VDAC1: variants seen among roughly 807,000 people sequenced by gnomAD.
VDAC1 encodes the protein non-selective voltage-gated ion channel VDAC1.
In VDAC1, 10 loss-of-function variants were observed where a neutral mutation model predicts 34.7. That is an observed-to-expected ratio of 0.29 (90% CI 0.18 to 0.49). The LOEUF (loss-of-function observed/expected upper bound fraction) is 0.49, where lower values mean the gene tolerates loss of function less well. Among genes scored for constraint, VDAC1 ranks in the 20% least tolerant of loss-of-function variants. VDAC1 has a pLI of 0.99. For synonymous variants in VDAC1, 130 were observed against 136.0 expected (o/e 0.96, Z 0.30); for missense variants, 230 against 347.9 (o/e 0.66, Z 2.69).
the VDAC1 span, among the ~76,000 whole-genome samples, chr5:134,075,849 T>C: frequency 6.6e-6 from 1 of 152,088 alleles, no homozygotes; most frequent in Non-Finnish European, 1.5e-5. Flanking sequence ...CCTCCCAAAG[T>C]GCTGGGATTA....
the VDAC1 span, among the ~76,000 whole-genome samples, chr5:134,076,951 C>T: frequency 1.3e-5 from 2 of 152,118 alleles, no homozygotes; most frequent in Non-Finnish European, 2.9e-5. Flanking sequence ...TACTAATTAG[C>T]ACTATCCTTG....
upstream of VDAC1, among the ~76,000 whole-genome samples, chr5:134,009,247 C>CTTTTT (rs869155174): frequency 1.0e-4 from 9 of 87,070 alleles, no homozygotes; most frequent in Non-Finnish European, 1.4e-4. Flanking sequence ...TTTATCAATT[C>CTTTTT]TTTTTTTTTT....
the VDAC1 span, among the ~76,000 whole-genome samples, chr5:134,013,271 C>T: frequency 6.6e-6 from 1 of 151,974 alleles, no homozygotes; most frequent in Non-Finnish European, 1.5e-5. Context: ...CCCGTCTGTA[C>T]AAAGAATACA....
the VDAC1 span, among the ~76,000 whole-genome samples, chr5:134,011,505 G>C: frequency 6.6e-6 from 1 of 151,888 alleles, no homozygotes; most frequent in Admixed American, 6.6e-5. Flanking sequence ...TGTACTCTCT[G>C]CTTCTATGAG....
the VDAC1 span, among the ~76,000 whole-genome samples, chr5:134,101,139 C>T: frequency 2.4e-4 from 37 of 152,270 alleles, 1 homozygote; most frequent in East Asian, 1.9e-4. Context: ...CGAAGGCCAC[C>T]TTCAGCTCCT....
At chr5:134,099,612 G>C in the VDAC1 span, among the ~76,000 whole-genome samples, 1 of 152,138 alleles carries the variant, frequency 6.6e-6, no homozygotes, top group Non-Finnish European at 1.5e-5. Context: ...ACAGGATCTT[G>C]CTCTGTCACC....
At chr5:134,027,767 C>CTTTT in the VDAC1 span, among the ~76,000 whole-genome samples, 11 of 120,650 alleles carry the variant, frequency 9.1e-5, no homozygotes, top group South Asian at 2.7e-4. Context: ...ATCTTGCCTA[C>CTTTT]TTTTTTTTTT....
intron 1 of VDAC1, among the ~76,000 whole-genome samples, chr5:134,000,724 C>T (rs1753517304): frequency 6.6e-6 from 1 of 152,030 alleles, no homozygotes; most frequent in Non-Finnish European, 1.5e-5. Context: ...GATGGCGTCA[C>T]TGTGAGGACT....
chr5:134,039,552 A>T, the VDAC1 span, among the ~76,000 whole-genome samples: 1 of 152,008 alleles, frequency 6.6e-6, no homozygotes, highest in African/African-American at 2.4e-5. Context: ...GATGGTCTCG[A>T]TCTGCTGACC....
At chr5:133,990,015 T>C (rs1753044760) in intron 5 of VDAC1, among the ~76,000 whole-genome samples, 1 of 152,170 alleles carries the variant, frequency 6.6e-6, no homozygotes, top group Non-Finnish European at 1.5e-5. Flanking sequence ...AACATCACTA[T>C]ATAAAACATC....
chr5:134,108,227 C>T, the VDAC1 span, among the ~76,000 whole-genome samples: 1 of 150,778 alleles, frequency 6.6e-6, no homozygotes. Context: ...ACCCGTCCGT[C>T]CCCACTCCCA....
At chr5:133,997,707 C>CCAAA (rs1753375975) in intron 1 of VDAC1, among the ~76,000 whole-genome samples, 5 of 58,358 alleles carry the variant, frequency 8.6e-5, no homozygotes, top group Non-Finnish European at 1.5e-4. Flanking sequence ...GACTGTCTCA[C>CCAAA]AAAAAAAAAA....
the VDAC1 span, among the ~76,000 whole-genome samples, chr5:134,041,563 T>C: frequency 2.0e-5 from 3 of 152,182 alleles, no homozygotes; most frequent in African/African-American, 7.2e-5. Flanking sequence ...CATGGGACTC[T>C]GTAATGCCCC....
chr5:134,000,907 C>G (rs1000599112), intron 1 of VDAC1, among the ~76,000 whole-genome samples: 2 of 152,158 alleles, frequency 1.3e-5, no homozygotes, highest in Non-Finnish European at 2.9e-5. Context: ...TTCATGTCCA[C>G]AATGAGGCAT....
chr5:134,050,184 G>A, the VDAC1 span, among the ~76,000 whole-genome samples: 1 of 152,108 alleles, frequency 6.6e-6, no homozygotes, highest in Non-Finnish European at 1.5e-5. Context: ...GGGAGGTGGA[G>A]GTTGCAGTGA....
chr5:134,068,858 T>G, the VDAC1 span, among the ~76,000 whole-genome samples: 3 of 152,182 alleles, frequency 2.0e-5, no homozygotes, highest in African/African-American at 7.2e-5. Flanking sequence ...TCTGTGCATC[T>G]TGGTCTTCTT....
the VDAC1 span, among the ~76,000 whole-genome samples, chr5:134,025,854 C>A: frequency 6.6e-6 from 1 of 152,118 alleles, no homozygotes; most frequent in Admixed American, 6.6e-5. Flanking sequence ...CCTCAGCCTC[C>A]CAAATGGAGG....
chr5:134,006,840 A>T (rs1753763982), upstream of VDAC1, among the ~76,000 whole-genome samples: 1 of 149,618 alleles, frequency 6.7e-6, no homozygotes, highest in African/African-American at 2.4e-5. Context: ...CCTAGGTGCT[A>T]GTTTCAGATT....
chr5:134,109,347 G>T, the VDAC1 span, among the ~76,000 whole-genome samples: 1 of 152,192 alleles, frequency 6.6e-6, no homozygotes, highest in East Asian at 1.9e-4. Flanking sequence ...GTATTCCTCT[G>T]TGAAGCTGCA....
Sources: allele counts gnomAD v4.1 joint callset (sites outside exome capture counted in the v4.1 genomes callset), GRCh38; gene constraint gnomAD v4.1.1; transcripts MANE v1.5; gene names NCBI Gene and HGNC (gene_info 2026-07-23, HGNC 2026-07-21).